Variants in LHFPL3 observed in about 807,000 individuals in gnomAD.
LHFPL3 encodes LHFPL tetraspan subfamily member 3 protein.
In LHFPL3, 5 loss-of-function variants were observed where a neutral mutation model predicts 19.3. The observed-to-expected ratio is 0.26, with a 90% CI of 0.14 to 0.54. The LOEUF is 0.54. LHFPL3 is among the 20% of genes least tolerant of loss of function. LHFPL3 has a pLI of 0.94. For missense variants in LHFPL3, 249 were observed against 307.4 expected (o/e 0.81, Z 1.42); for synonymous variants, 133 against 126.2 (o/e 1.05, Z -0.36).
intron 2 of LHFPL3, among the ~76,000 whole-genome samples, chr7:104,852,803 G>A (rs958936076): frequency 2.6e-5 from 4 of 152,212 alleles, no homozygotes; most frequent in African/African-American, 9.6e-5. Flanking sequence ...GGGCATGGGG[G>A]CATGGAGACT....
At chr7:104,526,437 G>A (rs1794189500) in intron 1 of LHFPL3, among the ~76,000 whole-genome samples, 1 of 152,188 alleles carries the variant, frequency 6.6e-6, no homozygotes, top group African/African-American at 2.4e-5. Flanking sequence ...AAATATCATA[G>A]CAATCCAAGC....
intron 1 of LHFPL3, among the ~76,000 whole-genome samples, chr7:104,657,174 T>C (rs1225230550): frequency 2.0e-5 from 3 of 152,248 alleles, no homozygotes; most frequent in African/African-American, 7.2e-5. Context: ...TCCAAGTGGT[T>C]CTTAAGCATC....
chr7:104,658,892 T>C (rs1272396036), intron 1 of LHFPL3, among the ~76,000 whole-genome samples: 5 of 152,150 alleles, frequency 3.3e-5, no homozygotes, highest in African/African-American at 1.2e-4. Context: ...CCCCAGATAA[T>C]TATGACACAG....
intron 1 of LHFPL3, among the ~76,000 whole-genome samples, chr7:104,540,346 G>T (rs958868635): frequency 6.6e-6 from 1 of 152,072 alleles, no homozygotes; most frequent in African/African-American, 2.4e-5. Context: ...AGCTGATTTT[G>T]CCCCCCAGGT....
intron 1 of LHFPL3, among the ~76,000 whole-genome samples, chr7:104,403,155 T>C (rs1223945186): frequency 2.6e-5 from 4 of 152,290 alleles, no homozygotes; most frequent in African/African-American, 7.2e-5. Context: ...GTAACAAACC[T>C]GCACATTCAC....
intron 1 of LHFPL3, among the ~76,000 whole-genome samples, chr7:104,695,399 C>G (rs971119728): frequency 1.3e-5 from 2 of 152,174 alleles, no homozygotes; most frequent in Non-Finnish European, 2.9e-5. Flanking sequence ...AATAAAGAAG[C>G]AAGAACACAG....
chr7:104,359,293 A>G (rs1175987970), intron 1 of LHFPL3, among the ~76,000 whole-genome samples: 1 of 152,256 alleles, frequency 6.6e-6, no homozygotes, highest in Non-Finnish European at 1.5e-5. Context: ...GTGGAACACT[A>G]GACACCTGAT....
chr7:104,559,876 A>ATAC, intron 1 of LHFPL3, among the ~76,000 whole-genome samples: 1 of 142,736 alleles, frequency 7.0e-6, no homozygotes, highest in Non-Finnish European at 1.5e-5. Flanking sequence ...ATTTATTGAG[A>ATAC]GTTTTTAGCA....
intron 1 of LHFPL3, chr7:104,668,714 A>AGGGGGGGGGGGGGGGGGGGGGGGG: frequency 1.3e-6 from 2 of 1,527,924 alleles, no homozygotes; most frequent in Admixed American, 1.8e-5. Flanking sequence ...GTGATGATAG[A>AGGGGGGGGGGGGGGGGGGGGGGGG]GGTCCCCCCC....
intron 1 of LHFPL3, among the ~76,000 whole-genome samples, chr7:104,388,104 A>G (rs1157572036): frequency 6.6e-6 from 1 of 152,124 alleles, no homozygotes; most frequent in Admixed American, 6.5e-5. Context: ...ATGTTGCTTC[A>G]AAGGACATGA....
intron 2 of LHFPL3, among the ~76,000 whole-genome samples, chr7:104,850,744 G>A (rs1791401722): frequency 6.6e-6 from 1 of 152,110 alleles, no homozygotes; most frequent in Non-Finnish European, 1.5e-5. Context: ...TGAGCCCCAG[G>A]AATCTGTATT....
At chr7:104,592,864 G>T (rs1790756143) in intron 1 of LHFPL3, among the ~76,000 whole-genome samples, 1 of 152,136 alleles carries the variant, frequency 6.6e-6, no homozygotes, top group African/African-American at 2.4e-5. Flanking sequence ...TGCTGTGCTA[G>T]CAGTGAGTGA....
intron 1 of LHFPL3, among the ~76,000 whole-genome samples, chr7:104,539,392 A>C (rs1794444357): frequency 6.6e-6 from 1 of 152,210 alleles, no homozygotes; most frequent in Admixed American, 6.5e-5. Flanking sequence ...AAAAGGTAGA[A>C]TATAGTAAGC....
chr7:104,617,704 G>GC (rs1294837753), intron 1 of LHFPL3, among the ~76,000 whole-genome samples: 1 of 152,114 alleles, frequency 6.6e-6, no homozygotes, highest in Admixed American at 6.6e-5. Context: ...ACTTCATATA[G>GC]CCCAAAGCTC....
chr7:104,848,240 C>A (rs901599495), intron 2 of LHFPL3, among the ~76,000 whole-genome samples: 1 of 152,138 alleles, frequency 6.6e-6, no homozygotes, highest in Non-Finnish European at 1.5e-5. Flanking sequence ...AGATGACAAT[C>A]CACCATGTCA....
At chr7:104,739,825 G>A (rs1263275912) in intron 2 of LHFPL3, among the ~76,000 whole-genome samples, 1 of 152,196 alleles carries the variant, frequency 6.6e-6, no homozygotes, top group Admixed American at 6.6e-5. Context: ...ACAGAGCAAA[G>A]TATTCATACA....
chr7:104,839,785 A>T (rs1398834698), intron 2 of LHFPL3, among the ~76,000 whole-genome samples: 5 of 152,304 alleles, frequency 3.3e-5, no homozygotes, highest in Middle Eastern at 3.4e-3. Context: ...CTCAGAGGGT[A>T]GGTTGGCTAT....
chr7:104,814,755 G>A (rs1203651210), intron 2 of LHFPL3, among the ~76,000 whole-genome samples: 1 of 152,248 alleles, frequency 6.6e-6, no homozygotes, highest in East Asian at 1.9e-4. Context: ...GGGGGCAGAT[G>A]CAGCAGGGTG....
At chr7:104,337,590 G>T (rs1789854062) in intron 1 of LHFPL3, among the ~76,000 whole-genome samples, 1 of 152,018 alleles carries the variant, frequency 6.6e-6, no homozygotes, top group South Asian at 2.1e-4. Context: ...GAAAGAATAG[G>T]TCATTGTAAA....
Sources: allele counts gnomAD v4.1 joint callset (sites outside exome capture counted in the v4.1 genomes callset), GRCh38; gene constraint gnomAD v4.1.1; transcripts MANE v1.5; gene names NCBI Gene and HGNC (gene_info 2026-07-23, HGNC 2026-07-21).